AKT3: variants seen among roughly 807,000 people sequenced by gnomAD.
The protein encoded by AKT3 is AKT serine/threonine kinase 3, also known as RAC-gamma serine/threonine-protein kinase.
In AKT3, 15 loss-of-function variants were observed where a neutral mutation model predicts 65.3. The ratio of observed to expected loss-of-function variants is 0.23; its 90% CI spans 0.15 to 0.35. The LOEUF (loss-of-function observed/expected upper bound fraction) is 0.35. Ranked by LOEUF, AKT3 falls within the 10% of genes least tolerant of loss-of-function variation. AKT3 has a pLI of 1.00. For synonymous variants in AKT3, 206 were observed against 183.8 expected (o/e 1.12, Z -0.98); for missense variants, 243 against 576.5 (o/e 0.42, Z 5.92).
At chr1:243,633,368 T>C (rs968356002) in intron 6 of AKT3, among the ~76,000 whole-genome samples, 2 of 152,186 alleles carry the variant, frequency 1.3e-5, no homozygotes, top group Non-Finnish European at 2.9e-5. Flanking sequence ...AAGCTAGTAT[T>C]ACTGTAAGTT....
chr1:243,649,791 A>G (rs758492146), intron 4 of AKT3, among the ~76,000 whole-genome samples: 1 of 152,128 alleles, frequency 6.6e-6, no homozygotes, highest in African/African-American at 2.4e-5. Flanking sequence ...TATGTACCAC[A>G]CTTTTTTTAT....
intron 4 of AKT3, among the ~76,000 whole-genome samples, chr1:243,652,074 A>G (rs1307034089): frequency 7.0e-6 from 1 of 143,284 alleles, no homozygotes; most frequent in Non-Finnish European, 1.5e-5. Flanking sequence ...TCTGAGACGG[A>G]GTCTCACTCT....
chr1:243,850,269 G>A (rs555769329), upstream of AKT3: 661 of 152,984 alleles, frequency 4.3e-3, 8 homozygotes, highest in African/African-American at 0.015. Flanking sequence ...GGAGCCGGCC[G>A]GGCCGGGCCG....
intron 2 of AKT3, among the ~76,000 whole-genome samples, chr1:243,769,149 A>T (rs1275027574): frequency 1.3e-5 from 2 of 151,960 alleles, no homozygotes; most frequent in African/African-American, 4.8e-5. Context: ...TTTCAAGGTT[A>T]TTTCATTTCT....
intron 2 of AKT3, chr1:243,818,185 T>C (rs1386318559): frequency 2.0e-5 from 3 of 152,220 alleles, no homozygotes; most frequent in Non-Finnish European, 4.4e-5. Flanking sequence ...GCAGAAATAA[T>C]AACAGCAGCC....
chr1:243,661,908 C>A (rs1439347830), intron 4 of AKT3, among the ~76,000 whole-genome samples: 1 of 149,260 alleles, frequency 6.7e-6, no homozygotes, highest in Non-Finnish European at 1.5e-5. Context: ...CATGAACAGA[C>A]ACTTCTCAAA....
rs1197744936 is a variant in AKT3, at chr1:243,505,310, A to G, written c.1379T>C (p.Met460Thr). 7 of 1,614,064 alleles carry G rather than the reference A, an allele frequency of 4.3e-6. No homozygotes were observed. The highest frequency in any genetic ancestry group is 5.9e-6 in the Non-Finnish European group (7 of 1,180,022). Residue 460 changes from methionine to threonine, a missense_variant, in exon 14 of 14, where the codon ATG (methionine) becomes ACG (threonine). This residue lies in a region of AKT3 where 57 missense variants were observed against 107.6 expected (regional missense o/e 0.53). Coordinates refer to ENST00000673466, the MANE Select transcript of AKT3 (RefSeq NM_005465.7). Reference sequence around the variant, plus strand: ...GAAATGCGGCCGCCTCTCATTGTCCATGCAGTCCATACCATCCTCATCATC... The same window carrying G: ...GAAATGCGGCCGCCTCTCATTGTCCGTGCAGTCCATACCATCCTCATCATC... ...EKYDEDGMDC[M>T]DNERRPHFPQ...
At chr1:243,662,404 T>G (rs1156432535) in intron 4 of AKT3, among the ~76,000 whole-genome samples, 1 of 151,738 alleles carries the variant, frequency 6.6e-6, no homozygotes, top group Non-Finnish European at 1.5e-5. Context: ...ATGTCCTTTG[T>G]AGGGACATGG....
intron 3 of AKT3, among the ~76,000 whole-genome samples, chr1:243,686,982 C>T (rs770185669): frequency 5.9e-5 from 9 of 151,770 alleles, no homozygotes; most frequent in African/African-American, 1.7e-4. Flanking sequence ...CTCACTTGAT[C>T]CTCACTGTAA....
At chr1:243,699,999 G>A (rs1298034309) in intron 2 of AKT3, among the ~76,000 whole-genome samples, 1 of 152,180 alleles carries the variant, frequency 6.6e-6, no homozygotes, top group Non-Finnish European at 1.5e-5. Flanking sequence ...CAGTGAGTGT[G>A]AACCTGCTGA....
rs114819886 is a variant in AKT3, at chr1:243,540,668, C to T, written c.1251+4842G>A. ...TAAACTACCAACTTTATTTCAATTT[C>T]ACCAGTTTTTCCACCAATGCCCCTG... is the stretch of plus-strand genomic sequence containing the variant. On this transcript the variant is annotated intron_variant, in intron 12 of 13. Transcript: ENST00000673466. 2.5e-3 allele frequency among the ~76,000 whole-genome samples: 375 copies of T among 152,180 alleles called. 2 individuals carry two copies. Among genetic ancestry groups the T allele is most frequent in the African/African-American group, 8.5e-3 (352 of 41,520 alleles).
rs1446005420 is a variant in AKT3 at position 243,502,183 on chromosome 1, T to C, written c.*3066A>G. 2 of 231,930 alleles carry C rather than the reference T, an allele frequency of 8.6e-6. No homozygotes were observed. The highest frequency in any genetic ancestry group is 3.6e-4 in the South Asian group (2 of 5,518). The allele number at this position is 231,930 out of a possible 1,614,324, so 14.4% of individuals were successfully genotyped here. On this transcript the variant is annotated 3_prime_UTR_variant, in exon 14 of 14. Coordinates refer to ENST00000673466, the MANE Select transcript of AKT3 (RefSeq NM_005465.7). ...CAGGAGCAAGATAAGGAAATTCTAC[T>C]GTAGACAGTACAAACAGTAGCAGCA...
upstream of AKT3, chr1:243,851,037 G>T (rs1331899658): frequency 2.6e-5 from 4 of 152,316 alleles, no homozygotes; most frequent in Admixed American, 1.3e-4. Context: ...GGCCCGGCGC[G>T]AGGGCTCGCA....
chr1:243,511,634 TTAA>T (rs1670022505), intron 13 of AKT3, among the ~76,000 whole-genome samples: 1 of 152,230 alleles, frequency 6.6e-6, no homozygotes, highest in South Asian at 2.1e-4. Context: ...CATTCTTAAG[TTAA>T]TGATGATACA....
chr1:243,655,514 G>A (rs1681709360), intron 4 of AKT3, among the ~76,000 whole-genome samples: 1 of 151,680 alleles, frequency 6.6e-6, no homozygotes, highest in South Asian at 2.1e-4. Context: ...TTTTTAACAA[G>A]TCCTGGACAC....
intron 2 of AKT3, among the ~76,000 whole-genome samples, chr1:243,787,303 T>C (rs920028596): frequency 6.6e-6 from 1 of 152,208 alleles, no homozygotes; most frequent in Non-Finnish European, 1.5e-5. Context: ...AAATAAATGT[T>C]ACCCATGCAC....
At chr1:243,556,323 T>C (rs1285193291) in intron 10 of AKT3, among the ~76,000 whole-genome samples, 1 of 152,160 alleles carries the variant, frequency 6.6e-6, no homozygotes, top group Non-Finnish European at 1.5e-5. Context: ...TGAGAAACTA[T>C]ATATTTTTAA....
intron 2 of AKT3, among the ~76,000 whole-genome samples, chr1:243,770,275 T>A (rs1438624831): frequency 6.6e-6 from 1 of 152,122 alleles, no homozygotes; most frequent in African/African-American, 2.4e-5. Flanking sequence ...AGTAAAATGA[T>A]AGAATTTCTG....
chr1:243,642,883 A>G (rs1458916038), intron 5 of AKT3, among the ~76,000 whole-genome samples: 1 of 152,224 alleles, frequency 6.6e-6, no homozygotes, highest in Non-Finnish European at 1.5e-5. Context: ...GAACATAAAG[A>G]ACTTCCAAGA....
Sources: gnomAD v4.1 joint callset for allele counts (sites outside exome capture counted in the v4.1 genomes callset) on GRCh38, gnomAD v4.1.1 for gene constraint, gnomAD v4.1.1 regional missense constraint, MANE v1.5 for transcripts, NCBI Gene and HGNC (gene_info 2026-07-23, HGNC 2026-07-21) for gene names.